IQCM: variants seen among roughly 807,000 people sequenced by gnomAD.
IQCM encodes IQ motif containing M.
A neutral mutation model predicts 57.6 loss-of-function variants in IQCM; 45 were observed. That is an observed-to-expected ratio of 0.78 (90% CI 0.62 to 1.00). IQCM has a LOEUF of 1.00. Ranked by LOEUF, IQCM falls within the 50% of genes least tolerant of loss-of-function variation. The pLI is 0.00. For missense variants in IQCM, 468 were observed against 511.6 expected (o/e 0.91, Z 0.82); for synonymous variants, 148 against 158.9 (o/e 0.93, Z 0.51).
chr4:149,429,056 A>C (rs1734644248), intron 13 of IQCM, among the ~76,000 whole-genome samples: 1 of 151,914 alleles, frequency 6.6e-6, no homozygotes, highest in Non-Finnish European at 1.5e-5. Context: ...CTAGAAAGAT[A>C]ATAGCTAATC....
chr4:149,626,655 A>G (rs1327876383), intron 7 of IQCM, among the ~76,000 whole-genome samples: 1 of 152,158 alleles, frequency 6.6e-6, no homozygotes, highest in South Asian at 2.1e-4. Flanking sequence ...GTTCAAAAAA[A>G]TAATGACTTC....
chr4:149,726,426 T>C (rs1171080818), intron 5 of IQCM, among the ~76,000 whole-genome samples: 1 of 152,194 alleles, frequency 6.6e-6, no homozygotes, highest in Admixed American at 6.5e-5. Flanking sequence ...CATTACTCCT[T>C]AATTGAAATA....
chr4:149,545,149 C>T (rs993783848), intron 12 of IQCM, among the ~76,000 whole-genome samples: 4 of 152,026 alleles, frequency 2.6e-5, no homozygotes, highest in Non-Finnish European at 5.9e-5. Flanking sequence ...CTAGCCTAAG[C>T]AACTTAGATC....
intron 13 of IQCM, among the ~76,000 whole-genome samples, chr4:149,395,411 G>A (rs10520019): frequency 0.15 from 23,213 of 151,936 alleles, 2,145 homozygotes; most frequent in South Asian, 0.33. Flanking sequence ...GCAAAACACC[G>A]GTATGTGGAT....
At chr4:149,385,434 C>A (rs1402460361) in intron 13 of IQCM, among the ~76,000 whole-genome samples, 1 of 151,946 alleles carries the variant, frequency 6.6e-6, no homozygotes, top group Non-Finnish European at 1.5e-5. Flanking sequence ...ATAGAGGTGA[C>A]CCTTGAGCTC....
intron 7 of IQCM, among the ~76,000 whole-genome samples, chr4:149,676,355 C>A (rs1761750172): frequency 6.6e-6 from 1 of 152,022 alleles, no homozygotes; most frequent in Non-Finnish European, 1.5e-5. Context: ...AGTAATATGT[C>A]CTTTAGGACA....
intron 12 of IQCM, among the ~76,000 whole-genome samples, chr4:149,492,454 A>T (rs1184761762): frequency 1.3e-5 from 2 of 152,110 alleles, no homozygotes; most frequent in Non-Finnish European, 2.9e-5. Flanking sequence ...TCTACAAACT[A>T]AGCCCTACTT....
At chr4:149,648,323 G>T (rs1302823775) in intron 7 of IQCM, among the ~76,000 whole-genome samples, 4 of 152,114 alleles carry the variant, frequency 2.6e-5, no homozygotes, top group South Asian at 4.1e-4. Context: ...GTGGTAGTTT[G>T]CTGAGAATGA....
rs532245036 is a variant in IQCM at position 149,559,404 on chromosome 4, C to T, written c.948+4288G>A. 3.3e-5 allele frequency among the ~76,000 whole-genome samples: 5 copies of T among 152,272 alleles called. No homozygotes were observed. The East Asian group carries it at 9.7e-4, about 29-fold the overall frequency. ...CATTGTCCTCCCAGCTATGCCCCAG[C>T]CCCTTAAATGTAAATAGCTCACCTA... is the stretch of plus-strand genomic sequence containing the variant. On this transcript the variant is annotated intron_variant, in intron 10 of 13. Transcript: ENST00000636793.
At chr4:149,598,522 A>G (rs573856718) in intron 8 of IQCM, among the ~76,000 whole-genome samples, 42 of 152,294 alleles carry the variant, frequency 2.8e-4, no homozygotes, top group African/African-American at 9.6e-4. Context: ...TACAAAATGG[A>G]AAGAACAAAT....
At chr4:149,736,244 A>T (rs1343542862) in intron 3 of IQCM, among the ~76,000 whole-genome samples, 1 of 152,112 alleles carries the variant, frequency 6.6e-6, no homozygotes, top group Non-Finnish European at 1.5e-5. Flanking sequence ...GAAAGCACCC[A>T]GCCTAAGTTT....
At chr4:149,460,019 A>C (rs1738104984) in intron 12 of IQCM, among the ~76,000 whole-genome samples, 1 of 152,124 alleles carries the variant, frequency 6.6e-6, no homozygotes, top group Non-Finnish European at 1.5e-5. Flanking sequence ...GCTATATACC[A>C]TTTACATTCC....
intron 8 of IQCM, among the ~76,000 whole-genome samples, chr4:149,615,628 T>C (rs1195137417): frequency 6.6e-6 from 1 of 152,190 alleles, no homozygotes; most frequent in Non-Finnish European, 1.5e-5. Flanking sequence ...AAAATACATT[T>C]TAAAAAGCAC....
chr4:149,459,490 C>G (rs1282289578), intron 12 of IQCM, among the ~76,000 whole-genome samples: 1 of 152,164 alleles, frequency 6.6e-6, no homozygotes, highest in Admixed American at 6.5e-5. Flanking sequence ...TTTAAATGTA[C>G]AGTTGAGTGG....
At chr4:149,637,429 A>G (rs1001751278) in intron 7 of IQCM, among the ~76,000 whole-genome samples, 18 of 152,330 alleles carry the variant, frequency 1.2e-4, no homozygotes, top group Middle Eastern at 6.8e-3. Flanking sequence ...TTGAAGACTT[A>G]ATTTTAAGAT....
At chr4:149,412,066 T>G (rs897930971) in intron 13 of IQCM, among the ~76,000 whole-genome samples, 1 of 148,730 alleles carries the variant, frequency 6.7e-6, no homozygotes, top group Non-Finnish European at 1.5e-5. Context: ...GTGTGTGTGT[T>G]TGTGTGTGTG....
chr4:149,768,198 A>G (rs1770237178), intron 2 of IQCM, among the ~76,000 whole-genome samples: 1 of 152,172 alleles, frequency 6.6e-6, no homozygotes, highest in Non-Finnish European at 1.5e-5. Context: ...TGGTTAGATT[A>G]AATTGTTAGT....
rs1325159147 is a variant in IQCM at position 149,737,852 on chromosome 4, T to G, written c.38-2394A>C. On this transcript the variant is annotated intron_variant, in intron 3 of 13. Coordinates refer to ENST00000636793, the MANE Select transcript of IQCM (RefSeq NM_001363507.2). ...ACTTCACAACCTGCCCTCCTTTTCC[T>G]TCTCTCATGACAGTCCTTTCCTCTT... 4 of 152,196 alleles carry G rather than the reference T, an allele frequency of 2.6e-5. No homozygotes were observed. In the East Asian group the frequency reaches 7.7e-4, roughly 29 times the overall value. 9.4% of individuals were successfully genotyped at this position (152,196 alleles called of 1,614,324 possible). A position where few individuals can be genotyped will look rare whatever the true frequency, so the allele number is the denominator to read the frequency against.
intron 12 of IQCM, among the ~76,000 whole-genome samples, chr4:149,545,514 C>T (rs1748304730): frequency 6.6e-6 from 1 of 151,934 alleles, no homozygotes; most frequent in Non-Finnish European, 1.5e-5. Context: ...AGTATGATAG[C>T]TATTATTAAA....
Sources: allele counts gnomAD v4.1 joint callset (sites outside exome capture counted in the v4.1 genomes callset), GRCh38; gene constraint gnomAD v4.1.1; transcripts MANE v1.5; gene names NCBI Gene and HGNC (gene_info 2026-07-23, HGNC 2026-07-21).